The following ANGPT2 variants were observed in gnomAD, a reference collection of about 807,000 sequenced individuals.
ANGPT2 encodes the protein angiopoietin 2, also known as angiopoietin-2.
In ANGPT2, 28 loss-of-function variants were observed where a neutral mutation model predicts 62.9. That is an observed-to-expected ratio of 0.44 (90% CI 0.33 to 0.61). The LOEUF (loss-of-function observed/expected upper bound fraction) is 0.61. Ranked by LOEUF, ANGPT2 falls within the 20% of genes least tolerant of loss-of-function variation. The pLI is 0.03. For missense variants in ANGPT2, 727 were observed against 594.9 expected (o/e 1.22, Z -2.31); for synonymous variants, 284 against 207.8 (o/e 1.37, Z -3.15).
intron 7 of ANGPT2, among the ~76,000 whole-genome samples, chr8:6,512,476 A>T (rs1815353195): frequency 6.6e-6 from 1 of 151,996 alleles, no homozygotes; most frequent in African/African-American, 2.4e-5. Flanking sequence ...CTAATTTCTG[A>T]CCTCAAAGTG....
chr8:6,552,439 G>C (rs1013478190), intron 1 of ANGPT2, among the ~76,000 whole-genome samples: 3 of 152,112 alleles, frequency 2.0e-5, no homozygotes, highest in African/African-American at 7.2e-5. Flanking sequence ...TTGTCGAAAA[G>C]GAATTCATTA....
At position 6,513,774 on chromosome 8, in the gene ANGPT2, C is replaced by T. The variant is rs772574634; in HGVS notation, c.1100G>A (p.Arg367His). Residue 367 changes from arginine to histidine, a missense_variant, in exon 7 of 9, where the codon CGC becomes CAC. Arg to His is a conservative substitution (Grantham distance 29). Transcript: ENST00000629816. ...TTTAAGGTGTATTTTAAGCACATAGCGTTGCTGATTAGTCAGTTGCGAAAC... is the reference window on the plus strand; with the variant it reads ...TTTAAGGTGTATTTTAAGCACATAGTGTTGCTGATTAGTCAGTTGCGAAAC... ...EFVSQLTNQQ[R>H]YVLKIHLKDW... The T allele has an allele frequency of 1.7e-5, 27 of 1,613,900 alleles. No individual in the cohort carries two copies. The highest frequency in any genetic ancestry group is 7.7e-5 in the South Asian group (7 of 91,042).
intron 3 of ANGPT2, among the ~76,000 whole-genome samples, chr8:6,522,023 T>A (rs746342800): frequency 2.6e-5 from 4 of 152,156 alleles, no homozygotes; most frequent in Non-Finnish European, 4.4e-5. Flanking sequence ...TACTATCACC[T>A]AGGTCATGGG....
intron 1 of ANGPT2, among the ~76,000 whole-genome samples, chr8:6,551,534 G>A (rs1823651559): frequency 6.6e-6 from 1 of 152,144 alleles, no homozygotes; most frequent in South Asian, 2.1e-4. Context: ...GTTGTTTGAG[G>A]GGCTGGTGTT....
At chr8:6,528,956 A>C (rs556424043) in intron 2 of ANGPT2, among the ~76,000 whole-genome samples, 3 of 152,210 alleles carry the variant, frequency 2.0e-5, no homozygotes, top group Admixed American at 1.3e-4. Flanking sequence ...TAACACCTGG[A>C]ATATACATTT....
At chr8:6,524,219 G>T (rs1817920352) in intron 3 of ANGPT2, among the ~76,000 whole-genome samples, 1 of 152,110 alleles carries the variant, frequency 6.6e-6, no homozygotes, top group African/African-American at 2.4e-5. Flanking sequence ...TCCCGTATAA[G>T]TCAGCTGTCT....
At position 6,505,326 on chromosome 8, in the gene ANGPT2, T is replaced by C. The variant is rs1168075175; in HGVS notation, c.1328-2065A>G. ...ATGTATATAACATATATATGTTATA[T>C]ACATATAGAAAGAATATATATATTC... On this transcript the variant is annotated intron_variant, in intron 8 of 8. Coordinates refer to ENST00000629816, the MANE Select transcript of ANGPT2 (RefSeq NM_001118887.2). 4.7e-5 allele frequency among the ~76,000 whole-genome samples: 4 copies of C among 84,806 alleles called. 1 individual carries two copies. Among genetic ancestry groups the C allele is most frequent in the East Asian group, 6.2e-4 (2 of 3,210 alleles). The allele number at this position is 84,806 out of a possible 152,430, so 55.6% of individuals were successfully genotyped here.
At chr8:6,511,585 G>C (rs1815107093) in intron 7 of ANGPT2, among the ~76,000 whole-genome samples, 1 of 152,076 alleles carries the variant, frequency 6.6e-6, no homozygotes, top group African/African-American at 2.4e-5. Flanking sequence ...GCATACAACT[G>C]GCGTCTCAAA....
chr8:6,518,360 T>C (rs1467244237), intron 5 of ANGPT2, among the ~76,000 whole-genome samples: 1 of 152,244 alleles, frequency 6.6e-6, no homozygotes, highest in East Asian at 1.9e-4. Context: ...AGTCTGTTCG[T>C]TGCCTTTTCA....
chr8:6,563,210 C>A lies in ANGPT2; in HGVS notation c.-276G>T. ...CTTTTACAGAGCAGCTTTCACGGTCCTTTGTTCCTCTCTCCCCAGATCCTA... is the reference window on the plus strand; with the variant it reads ...CTTTTACAGAGCAGCTTTCACGGTCATTTGTTCCTCTCTCCCCAGATCCTA... On this transcript the variant is annotated 5_prime_UTR_variant, in exon 1 of 9. In the 5' UTR this introduces an upstream ATG that the reference lacks. Transcript: ENST00000629816. 1 of 285,914 alleles carries A rather than the reference C, an allele frequency of 3.5e-6. No homozygotes were observed. Among genetic ancestry groups the A allele is most frequent in the Non-Finnish European group, 6.8e-6 (1 of 147,684 alleles). The allele number at this position is 285,914 out of a possible 1,614,324, so 17.7% of individuals were successfully genotyped here.
At chr8:6,550,946 GTTT>G (rs1823540902) in intron 1 of ANGPT2, among the ~76,000 whole-genome samples, 1 of 152,168 alleles carries the variant, frequency 6.6e-6, no homozygotes, top group South Asian at 2.1e-4. Context: ...GCCTCTCTCT[GTTT>G]TGACCTTCTC....
chr8:6,555,948 A>G (rs2129575335), intron 1 of ANGPT2, among the ~76,000 whole-genome samples: 1 of 152,180 alleles, frequency 6.6e-6, no homozygotes, highest in East Asian at 1.9e-4. Context: ...CTGGCATCTC[A>G]CCTATCTAGA....
chr8:6,542,962 G>T (rs1371756835), intron 1 of ANGPT2, among the ~76,000 whole-genome samples: 1 of 152,140 alleles, frequency 6.6e-6, no homozygotes, highest in Non-Finnish European at 1.5e-5. Flanking sequence ...TTATAAGGCC[G>T]GCAGGAAGCG....
intron 1 of ANGPT2, among the ~76,000 whole-genome samples, chr8:6,538,358 C>T (rs563280210): frequency 2.0e-5 from 3 of 152,338 alleles, no homozygotes; most frequent in South Asian, 2.1e-4. Context: ...TTGCTGGCCA[C>T]GCATCCCCCA....
At position 6,532,213 on chromosome 8, in the gene ANGPT2, T is replaced by C; in HGVS notation, c.444+119A>G. 3.4e-6 allele frequency: 4 copies of C among 1,171,740 alleles called. No individual in the cohort carries two copies. The South Asian group carries it at 5.6e-5, about 16-fold the overall frequency. 72.6% of individuals were successfully genotyped at this position (1,171,740 alleles called of 1,614,324 possible). On this transcript the variant is annotated intron_variant, in intron 2 of 8. Coordinates refer to ENST00000629816, the MANE Select transcript of ANGPT2 (RefSeq NM_001118887.2). ...CTTAATTTCTTATCAATTCATTCCT[T>C]TTCTCCTGTGGTGGTGCTTTCTTTA...
chr8:6,542,715 C>T (rs768841939), intron 1 of ANGPT2, among the ~76,000 whole-genome samples: 2 of 151,926 alleles, frequency 1.3e-5, no homozygotes, highest in African/African-American at 4.8e-5. Flanking sequence ...TTTTTGCTGT[C>T]TCTTTCTGTG....
At chr8:6,550,737 G>A (rs1365650657) in intron 1 of ANGPT2, among the ~76,000 whole-genome samples, 9 of 152,168 alleles carry the variant, frequency 5.9e-5, no homozygotes, top group African/African-American at 2.2e-4. Context: ...TCAGAGTTTT[G>A]CGGCCTGTGT....
intron 1 of ANGPT2, among the ~76,000 whole-genome samples, chr8:6,554,348 A>C (rs1430220641): frequency 1.3e-5 from 2 of 151,970 alleles, no homozygotes; most frequent in East Asian, 1.9e-4. Flanking sequence ...GCTTCCTTTT[A>C]AGACTTTGTT....
intron 1 of ANGPT2, among the ~76,000 whole-genome samples, chr8:6,546,006 C>T (rs1490416983): frequency 6.6e-6 from 1 of 152,218 alleles, no homozygotes; most frequent in Non-Finnish European, 1.5e-5. Context: ...ATTACAGATT[C>T]ATCATTACAG....
Sources: allele counts gnomAD v4.1 joint callset (sites outside exome capture counted in the v4.1 genomes callset), GRCh38; gene constraint gnomAD v4.1.1; transcripts MANE v1.5; gene names NCBI Gene and HGNC (gene_info 2026-07-23, HGNC 2026-07-21).